Variants in SMC4 observed in about 807,000 individuals in gnomAD.
SMC4 encodes the protein structural maintenance of chromosomes protein 4.
Under a neutral mutation model 145.6 loss-of-function variants are expected in SMC4, and 87 were observed. The observed-to-expected ratio is 0.60, with a 90% CI of 0.50 to 0.71. SMC4 has a LOEUF of 0.71. SMC4 is among the 30% of genes least tolerant of loss of function. The pLI, the probability that SMC4 is intolerant of heterozygous loss-of-function variation, is 0.00. For missense variants in SMC4, 1,447 were observed against 1,537.1 expected (o/e 0.94, Z 0.98); for synonymous variants, 558 against 500.7 (o/e 1.11, Z -1.53).
chr3:160,416,422 T>G lies in SMC4; in HGVS notation c.1437+7T>G, dbSNP rs748789691. On this transcript the variant is annotated splice_region_variant and intron_variant, in intron 10 of 23. Coordinates refer to ENST00000357388, the MANE Select transcript of SMC4 (RefSeq NM_001002800.3). ...GCTTCAGAAAGAAAAAGAAGTAAGT[T>G]TTTTTTTTTTATCAGTGTTTATTTT... is the stretch of plus-strand genomic sequence containing the variant. The G allele has an allele frequency of 3.5e-6, 5 of 1,446,840 alleles. No individual in the cohort carries two copies. The highest frequency in any genetic ancestry group is 3.7e-6 in the Non-Finnish European group (4 of 1,090,894). 89.6% of individuals were successfully genotyped at this position (1,446,840 alleles called of 1,614,324 possible).
intron 8 of SMC4, 89 bp from the exon 9 acceptor site, chr3:160,414,278 T>G: frequency 9.4e-7 from 1 of 1,066,550 alleles, no homozygotes; most frequent in Non-Finnish European, 1.4e-6. Flanking sequence ...CCTGGACATA[T>G]TTATAGAGGA....
intron 2 of SMC4, among the ~76,000 whole-genome samples, 173 bp downstream of exon 2, chr3:160,401,138 T>G (rs1714580228): frequency 6.6e-6 from 1 of 151,900 alleles, no homozygotes; most frequent in Admixed American, 6.6e-5. Context: ...AGGATTCCCG[T>G]GCAATTTTGG....
intron 5 of SMC4, 85 bp from the exon 6 acceptor site, chr3:160,411,835 T>C (rs898116373): frequency 1.8e-6 from 2 of 1,118,820 alleles, no homozygotes; most frequent in African/African-American, 3.1e-5. Context: ...CTCTTGGCTT[T>C]ATTATTTAAC....
At chr3:160,425,257 A>G (rs1717671044) in intron 16 of SMC4, among the ~76,000 whole-genome samples, 1 of 152,124 alleles carries the variant, frequency 6.6e-6, no homozygotes, top group Non-Finnish European at 1.5e-5. Context: ...CTCCATAGAA[A>G]CATTACTTTC....
At chr3:160,416,982 A>G (rs957996333) in intron 10 of SMC4, among the ~76,000 whole-genome samples, 3 of 152,226 alleles carry the variant, frequency 2.0e-5, no homozygotes, top group African/African-American at 7.2e-5. Flanking sequence ...AATGTTAGCT[A>G]TAATTTTAGC....
chr3:160,402,114 A>G (rs1714750864), intron 3 of SMC4, 21 bp downstream of exon 3: 2 of 1,445,110 alleles, frequency 1.4e-6, no homozygotes, highest in Non-Finnish European at 1.8e-6. Context: ...GGAAATAACT[A>G]TTTTATAACT....
intron 18 of SMC4, among the ~76,000 whole-genome samples, chr3:160,429,711 GTTTTT>G (rs1194382144): frequency 5.5e-5 from 7 of 127,676 alleles, no homozygotes; most frequent in Middle Eastern, 5.0e-3. Context: ...ATCTACTTAG[GTTTTT>G]TTTTTTTTTT....
chr3:160,415,995 C>G (rs985891805), intron 9 of SMC4, among the ~76,000 whole-genome samples: 8 of 152,062 alleles, frequency 5.3e-5, no homozygotes, highest in African/African-American at 1.9e-4. Context: ...GATGACAGAC[C>G]TGAGGCCCTG....
Position 160,416,330 on chromosome 3 carries a change from A to C in SMC4, c.1352A>C (p.Lys451Thr). Residue 451 changes from lysine to threonine, a missense_variant, in exon 10 of 24, where the codon AAG becomes ACG. Transcript: ENST00000357388. Reference sequence around the variant, plus strand: ...ACAACCAGAAACAATGCCCTCGAGAAGGAAAAAGAGAAAGAAGAAAAAAAA... The same window carrying C: ...ACAACCAGAAACAATGCCCTCGAGACGGAAAAAGAGAAAGAAGAAAAAAAA... ...ETTTRNNALE[K>T]EKEKEEKKLK... is the part of the protein sequence containing the mutation. 1.2e-6 allele frequency: 2 copies of C among 1,607,176 alleles called. No homozygotes were observed. Among genetic ancestry groups the C allele is most frequent in the Non-Finnish European group, 1.7e-6 (2 of 1,176,144 alleles).
Position 160,430,702 on chromosome 3 carries a change from G to A in SMC4, c.2899G>A (p.Asp967Asn). 1 of 1,613,640 alleles carries A rather than the reference G, an allele frequency of 6.2e-7. No individual in the cohort carries two copies. Among genetic ancestry groups the A allele is most frequent in the Non-Finnish European group, 8.5e-7 (1 of 1,179,860 alleles). The change falls in exon 19 of 24, where the codon GAC becomes AAC. Residue 967 changes from aspartate (D) to asparagine (N), a missense_variant. By Grantham distance (23) the Asp-to-Asn change is conservative. Coordinates refer to ENST00000357388, the MANE Select transcript of SMC4 (RefSeq NM_001002800.3). ...DLTAELKSLE[D>N]KAAEVVKNTN... ...AACAGCAGAGCTGAAAAGTCTTGAG[G>A]ACAAAGCAGCAGAGGTCGTAAAGAA...
chr3:160,403,033 T>G (rs2108446205), intron 4 of SMC4, among the ~76,000 whole-genome samples, 166 bp downstream of exon 4: 1 of 152,282 alleles, frequency 6.6e-6, no homozygotes, highest in South Asian at 2.1e-4. Flanking sequence ...TGGTGCCTGT[T>G]AAAATACTTA....
chr3:160,403,138 G>A (rs1714898924), intron 4 of SMC4, among the ~76,000 whole-genome samples: 1 of 151,908 alleles, frequency 6.6e-6, no homozygotes, highest in Non-Finnish European at 1.5e-5. Context: ...TACTAAATAG[G>A]CATTATTTTA....
chr3:160,416,974 T>C (rs1267217814), intron 10 of SMC4, among the ~76,000 whole-genome samples: 2 of 152,130 alleles, frequency 1.3e-5, no homozygotes, highest in Admixed American at 6.5e-5. Flanking sequence ...AGAAAATAAA[T>C]GTTAGCTATA....
In SMC4 at chr3:160,412,412, T is replaced by C. The variant is rs370160644; in HGVS notation, c.939T>C (p.Asn313=). The C allele has an allele frequency of 7.5e-6, 12 of 1,606,250 alleles. No homozygotes were observed. Among genetic ancestry groups the C allele is most frequent in the Non-Finnish European group, 1.0e-5 (12 of 1,174,140 alleles). ...CTATCGAATTTCTTACCTTGGAAAA[T>C]GAAATATTTAGAAAAAAGAATCATG... ...NIAIEFLTLE[N]EIFRKKNHVC... Residue 313 remains asparagine (N), a synonymous_variant, in exon 7 of 24, where the codon AAT becomes AAC. Coordinates refer to ENST00000357388, the MANE Select transcript of SMC4 (RefSeq NM_001002800.3).
Position 160,423,903 on chromosome 3 carries a change from AT to A in SMC4, c.2325+64del. The A allele has an allele frequency of 2.3e-6, 3 of 1,328,022 alleles. No homozygotes were observed. In the South Asian group the frequency reaches 4.5e-5, roughly 20 times the overall value. 82.3% of individuals were successfully genotyped at this position (1,328,022 alleles called of 1,614,324 possible). On this transcript the variant is annotated intron_variant, in intron 15 of 23. Coordinates refer to ENST00000357388, the MANE Select transcript of SMC4 (RefSeq NM_001002800.3). ...TTTTTAAATAGCTTTACCGAGGTAT[AT>A]ACTTACTACAAAATTTGGCCATTTT...
At chr3:160,416,550 A>G (rs1716616283) in intron 10 of SMC4, 135 bp downstream of exon 10, 1 of 503,360 alleles carries the variant, frequency 2.0e-6, no homozygotes, top group Admixed American at 3.7e-5. Flanking sequence ...AAAACTAGTC[A>G]ACCTAGACTT....
At chr3:160,423,370 T>TTTG in intron 13 of SMC4, 55 bp from the exon 14 acceptor site, 1 of 992,518 alleles carries the variant, frequency 1.0e-6, no homozygotes, top group Non-Finnish European at 1.4e-6. Context: ...TTTTTTTTTT[T>TTTG]GAGTTTTCTT....
In SMC4 at chr3:160,401,833, A is replaced by G. The variant is rs1714701397; in HGVS notation, c.140-82A>G. The G allele has an allele frequency of 3.8e-6, 4 of 1,047,468 alleles. No homozygotes were observed. The South Asian group carries it at 4.7e-5, about 12-fold the overall frequency. 64.9% of individuals were successfully genotyped at this position (1,047,468 alleles called of 1,614,324 possible). A position where few individuals can be genotyped will look rare whatever the true frequency, so the allele number is the denominator to read the frequency against. ...TCCCCTACTTTAAAGATGGGCAGTC[A>G]TTAGTTCTCCGAACTAATTGCACTA... On this transcript the variant is annotated intron_variant, in intron 2 of 23. Coordinates refer to ENST00000357388, the MANE Select transcript of SMC4 (RefSeq NM_001002800.3).
Position 160,433,681 on chromosome 3 carries a change from A to G in SMC4, c.3739A>G (p.Ile1247Val). The change falls in exon 24 of 24, where the codon ATA (isoleucine) becomes GTA (valine). Residue 1247 changes from isoleucine (I) to valine (V), a missense_variant. Physicochemically the swap from Ile to Val is conservative, Grantham distance 29. Transcript: ENST00000357388. ...IYEQTKNAQFIIISLRNNMFE... is the reference protein window; with the variant it reads ...IYEQTKNAQFVIISLRNNMFE... ...GGAACAAACAAAAAATGCACAGTTC[A>G]TAATAATTTCTCTTCGAAATAATAT... 1.9e-6 allele frequency: 3 copies of G among 1,577,222 alleles called. No individual in the cohort carries two copies. The highest frequency in any genetic ancestry group is 2.6e-6 in the Non-Finnish European group (3 of 1,160,650).
Sources: allele counts gnomAD v4.1 joint callset (sites outside exome capture counted in the v4.1 genomes callset), GRCh38; gene constraint gnomAD v4.1.1; transcripts MANE v1.5; gene names NCBI Gene and HGNC (gene_info 2026-07-23, HGNC 2026-07-21).